USH2A: variants seen among roughly 807,000 people sequenced by gnomAD.
USH2A encodes Usher syndrome 2A (autosomal recessive, mild).
USH2A carries 443 observed loss-of-function variants against 538.9 expected under a neutral mutation model. That is an observed-to-expected ratio of 0.82 (90% CI 0.76 to 0.89). The LOEUF (loss-of-function observed/expected upper bound fraction) is 0.89. Ranked by LOEUF, USH2A falls within the 40% of genes least tolerant of loss-of-function variation. The pLI is 0.00. For missense variants in USH2A, 6,633 were observed against 6,324.8 expected, an observed-to-expected ratio of 1.05 and a Z score of -1.65; for synonymous variants, 2,413 against 2,273.5, an observed-to-expected ratio of 1.06 and a Z score of -1.75.
chr1:215,701,122 G>A (rs1659001024), intron 61 of USH2A, among the ~76,000 whole-genome samples: 2 of 152,222 alleles, frequency 1.3e-5, no homozygotes, highest in Non-Finnish European at 2.9e-5. Flanking sequence ...GTGGTTTTGA[G>A]TGAGTTTCTT....
intron 14 of USH2A, among the ~76,000 whole-genome samples, chr1:216,224,107 G>C (rs1334378694): frequency 6.6e-6 from 1 of 152,114 alleles, no homozygotes; most frequent in Non-Finnish European, 1.5e-5. Flanking sequence ...CTTAAAACAA[G>C]GTAACATAGA....
intron 38 of USH2A, among the ~76,000 whole-genome samples, chr1:215,931,054 G>A (rs982307440): frequency 6.6e-6 from 1 of 151,816 alleles, no homozygotes; most frequent in African/African-American, 2.4e-5. Context: ...CAGAAGTAGG[G>A]AAGGATCTGC....
intron 3 of USH2A, among the ~76,000 whole-genome samples, chr1:216,413,189 C>T (rs996010285): frequency 3.9e-5 from 6 of 151,944 alleles, no homozygotes; most frequent in African/African-American, 1.4e-4. Context: ...TGCATGCATA[C>T]TTACACACAC....
At chr1:215,766,289 C>G (rs1045045665) in intron 56 of USH2A, among the ~76,000 whole-genome samples, 1 of 152,162 alleles carries the variant, frequency 6.6e-6, no homozygotes, top group African/African-American at 2.4e-5. Flanking sequence ...CAGATTTTCT[C>G]TCTTCATACA....
At chr1:216,382,722 A>T (rs2038941818) in intron 3 of USH2A, among the ~76,000 whole-genome samples, 1 of 152,190 alleles carries the variant, frequency 6.6e-6, no homozygotes, top group African/African-American at 2.4e-5. Context: ...GCAAGGAACC[A>T]CGAAAAGACC....
chr1:216,338,661 A>T (rs2038020253), intron 4 of USH2A, among the ~76,000 whole-genome samples: 1 of 151,624 alleles, frequency 6.6e-6, no homozygotes. Context: ...TATAATTAAA[A>T]CATGTAAAAT....
At chr1:215,785,046 G>A (rs1661758501) in intron 52 of USH2A, among the ~76,000 whole-genome samples, 1 of 152,100 alleles carries the variant, frequency 6.6e-6, no homozygotes, top group South Asian at 2.1e-4. Flanking sequence ...CTCTATCTGA[G>A]GCCTTTCCTA....
intron 50 of USH2A, among the ~76,000 whole-genome samples, chr1:215,795,976 C>G (rs1662120669): frequency 6.6e-6 from 1 of 151,452 alleles, no homozygotes; most frequent in Non-Finnish European, 1.5e-5. Context: ...AATAATAAAT[C>G]TATAACATTC....
At chr1:216,050,878 T>TA (rs2030759233) in intron 30 of USH2A, among the ~76,000 whole-genome samples, 1 of 151,992 alleles carries the variant, frequency 6.6e-6, no homozygotes, top group South Asian at 2.1e-4. Context: ...GTGCTGGGAT[T>TA]ACAGGCGTGA....
chr1:215,673,949 G>A, intron 63 of USH2A, 151 bp downstream of exon 63: 2 of 1,344,552 alleles, frequency 1.5e-6, no homozygotes, highest in Non-Finnish European at 2.1e-6. Flanking sequence ...GGGTGAGGAT[G>A]TGCTTTGTCT....
intron 60 of USH2A, among the ~76,000 whole-genome samples, chr1:215,741,066 TGCCC>T (rs1365714789): frequency 1.3e-5 from 2 of 152,178 alleles, no homozygotes; most frequent in East Asian, 3.9e-4. Context: ...AGGACTGTTC[TGCCC>T]CATCACTAAA....
Position 216,046,317 on chromosome 1 carries a change from C to G in USH2A, c.6325+114G>C, listed in dbSNP as rs6693284. 7.7e-3 allele frequency: 8,592 copies of G among 1,119,292 alleles called. 462 individuals are homozygous for G. The African/African-American group carries it at 0.12, about 16-fold the overall frequency. The allele number at this position is 1,119,292 out of a possible 1,614,324, so 69.3% of individuals were successfully genotyped here. A position where few individuals can be genotyped will look rare whatever the true frequency, so the allele number is the denominator to read the frequency against. On this transcript the variant is annotated intron_variant, in intron 32 of 71. Coordinates refer to ENST00000307340, the MANE Select transcript of USH2A (RefSeq NM_206933.4). ...TTATTTTTTTCACATATTTCCTAAGCATTCTTGATTAAATTTGCAGATATG... is the reference window on the plus strand; with the variant it reads ...TTATTTTTTTCACATATTTCCTAAGGATTCTTGATTAAATTTGCAGATATG...
rs753186177 is a variant in USH2A at position 215,782,784 on chromosome 1, A to C, written c.10539T>G (p.Leu3513=). ...SPPTWTKIDN[L]EDTIVLNWRK... is the part of the protein sequence containing the mutation. ...TCCAGTTTAAGACAATTGTATCTTC[A>C]AGATTGTCTATTTTGGTCCACGTAG... Residue 3513 remains leucine, a synonymous_variant, in exon 53 of 72, where the codon CTT becomes CTG. Transcript: ENST00000307340. The C allele has an allele frequency of 1.5e-5, 25 of 1,613,856 alleles. No individual in the cohort carries two copies. The highest frequency in any genetic ancestry group is 1.9e-5 in the Non-Finnish European group (23 of 1,179,916).
At chr1:216,329,187 C>T (rs1037967482) in intron 4 of USH2A, among the ~76,000 whole-genome samples, 3 of 152,152 alleles carry the variant, frequency 2.0e-5, no homozygotes, top group Non-Finnish European at 2.9e-5. Flanking sequence ...TAAAACTTTG[C>T]AGAAATCTTT....
chr1:216,256,578 C>T (rs1353515113), intron 11 of USH2A, among the ~76,000 whole-genome samples: 2 of 151,988 alleles, frequency 1.3e-5, no homozygotes, highest in African/African-American at 4.8e-5. Flanking sequence ...TCTTCCACCT[C>T]TGCCAGCCAT....
At chr1:216,260,438 A>G (rs2036348274) in intron 11 of USH2A, among the ~76,000 whole-genome samples, 1 of 152,164 alleles carries the variant, frequency 6.6e-6, no homozygotes, top group African/African-American at 2.4e-5. Flanking sequence ...CAGCTAAGGA[A>G]GATTTTGTCC....
At chr1:215,959,646 T>C (rs1429320719) in intron 37 of USH2A, among the ~76,000 whole-genome samples, 2 of 152,140 alleles carry the variant, frequency 1.3e-5, no homozygotes, top group African/African-American at 4.8e-5. Context: ...ATCATTTTCA[T>C]TTACCCTCTT....
At chr1:215,799,789 C>A (rs12140781) in intron 49 of USH2A, among the ~76,000 whole-genome samples, 5,148 of 152,078 alleles carry the variant, frequency 0.034, 95 homozygotes, top group African/African-American at 0.05. Flanking sequence ...AGTTCAAGAC[C>A]AGCCTGGCCA....
At chr1:216,311,726 T>C (rs1183988311) in intron 9 of USH2A, among the ~76,000 whole-genome samples, 1 of 152,060 alleles carries the variant, frequency 6.6e-6, no homozygotes. Context: ...GCTTGAACTA[T>C]CAAGACAAAA....
Sources: gnomAD v4.1 joint callset for allele counts (sites outside exome capture counted in the v4.1 genomes callset) on GRCh38, gnomAD v4.1.1 for gene constraint, MANE v1.5 for transcripts, NCBI Gene and HGNC (gene_info 2026-07-23, HGNC 2026-07-21) for gene names.